HTRA2: variants seen among roughly 807,000 people sequenced by gnomAD.
HTRA2 encodes HtrA serine peptidase 2.
Under a neutral mutation model 42.2 loss-of-function variants are expected in HTRA2, and 24 were observed. That is an observed-to-expected ratio of 0.57 (90% CI 0.41 to 0.80). The LOEUF (loss-of-function observed/expected upper bound fraction) is 0.80, where lower values mean the gene tolerates loss of function less well. HTRA2 is among the 30% of genes least tolerant of loss of function. The pLI, the probability that HTRA2 is intolerant of heterozygous loss-of-function variation, is 0.00. For missense variants in HTRA2, 466 were observed against 613.5 expected, an observed-to-expected ratio of 0.76 and a Z score of 2.54; for synonymous variants, 245 against 255.8, an observed-to-expected ratio of 0.96 and a Z score of 0.40.
At position 74,533,015 on chromosome 2, in the gene HTRA2, T is replaced by C. The variant is rs962099375; in HGVS notation, c.*30T>C. On this transcript the variant is annotated 3_prime_UTR_variant, in exon 8 of 8. Coordinates refer to ENST00000258080, the MANE Select transcript of HTRA2 (RefSeq NM_013247.5). ...ATCACCAAGAGTATGAGGCTCCTGC[T>C]CTGATTTCCTCCTTGCCTTTCTGGC... 6.2e-7 allele frequency: 1 copy of C among 1,608,282 alleles called. No homozygotes were observed. Among genetic ancestry groups the C allele is most frequent in the Non-Finnish European group, 8.5e-7 (1 of 1,175,674 alleles).
At position 74,530,530 on chromosome 2, in the gene HTRA2, C is replaced by T; in HGVS notation, c.506+18C>T. 6.2e-7 allele frequency: 1 copy of T among 1,613,334 alleles called. No individual in the cohort carries two copies. The highest frequency in any genetic ancestry group is 8.5e-7 in the Non-Finnish European group (1 of 1,180,028). Reference sequence around the variant, plus strand: ...CTGGACCGGTAATGGTGGGGGTAGACCGGGAGGCACTGAAGCCACAGGCTG... The same window carrying T: ...CTGGACCGGTAATGGTGGGGGTAGATCGGGAGGCACTGAAGCCACAGGCTG... On this transcript the variant is annotated intron_variant, in intron 1 of 7. Transcript: ENST00000258080. The surrounding 1 kb of genome is among the most constrained non-coding windows in gnomAD (Gnocchi z 7.4).
chr2:74,530,076 C>T lies in HTRA2; in HGVS notation c.70C>T (p.Arg24Cys), dbSNP rs1675472555. The change falls in exon 1 of 8, where the codon CGC (arginine) becomes TGC (cysteine). Residue 24 changes from arginine (R) to cysteine (C), a missense_variant. Arg to Cys is a radical substitution (Grantham distance 180). Coordinates refer to ENST00000258080, the MANE Select transcript of HTRA2 (RefSeq NM_013247.5). The surrounding 1 kb of genome is among the most constrained non-coding windows in gnomAD (Gnocchi z 7.4). ...LRAWRALGGI[R>C]WGRRPRLTPD... is the part of the protein sequence containing the mutation. ...GGCATGGCGGGCTTTGGGGGGCATT[C>T]GCTGGGGGAGGAGACCCCGTTTGAC... The T allele has an allele frequency of 6.3e-7, 1 of 1,592,236 alleles. No individual in the cohort carries two copies. The highest frequency in any genetic ancestry group is 1.3e-5 in the African/African-American group (1 of 74,460).
chr2:74,532,853 C>G lies in HTRA2; in HGVS notation c.1245C>G (p.Ala415=), dbSNP rs757932841. The G allele has an allele frequency of 1.5e-5, 25 of 1,613,914 alleles. No individual in the cohort carries two copies. The highest frequency in any genetic ancestry group is 2.0e-5 in the Non-Finnish European group (24 of 1,180,026). ...AGLRPGDVIL[A]IGEQMVQNAE... ...TGCGGCCTGGTGATGTGATTTTGGCCATTGGGGAGCAGATGGTACAAAATG... is the reference window on the plus strand; with the variant it reads ...TGCGGCCTGGTGATGTGATTTTGGCGATTGGGGAGCAGATGGTACAAAATG... The change falls in exon 8 of 8, where the codon GCC becomes GCG. Residue 415 remains alanine, a synonymous_variant. Coordinates refer to ENST00000258080, the MANE Select transcript of HTRA2 (RefSeq NM_013247.5).
rs375891754 is a variant in HTRA2 at position 74,532,686 on chromosome 2, A to T, written c.1183A>T (p.Lys395Ter). 1.2e-6 allele frequency: 2 copies of T among 1,613,800 alleles called. No homozygotes were observed. Among genetic ancestry groups the T allele is most frequent in the Non-Finnish European group, 1.7e-6 (2 of 1,180,030 alleles). Residue 395 changes from lysine (K) to a stop codon, truncating the protein, a stop_gained, in exon 7 of 8, where the codon AAA becomes TAA. Coordinates refer to ENST00000258080, the MANE Select transcript of HTRA2 (RefSeq NM_013247.5). LOFTEE classifies it high-confidence loss of function. ...TGTTCAGCATGGTGTACTCATCCATAAAGTCATCCTGGGCTCCCCTGCACA... is the reference window on the plus strand; with the variant it reads ...TGTTCAGCATGGTGTACTCATCCATTAAGTCATCCTGGGCTCCCCTGCACA... ...PDVQHGVLIH[K>*]VILGSPAHRA...
intron 3 of HTRA2, 115 bp downstream of exon 3, chr2:74,531,220 A>C: frequency 6.5e-7 from 1 of 1,544,542 alleles, no homozygotes. Flanking sequence ...GGCTGCAAAA[A>C]TGTGGCCACT....
intron 3 of HTRA2, 83 bp downstream of exon 3, chr2:74,531,188 G>T: frequency 6.5e-7 from 1 of 1,550,310 alleles, no homozygotes; most frequent in Middle Eastern, 1.7e-4. Context: ...GATATATGGT[G>T]GATGAGCCTA....
In HTRA2 at chr2:74,533,131, AATC is replaced by A. The variant is rs1336082166; in HGVS notation, c.*148_*150del. On this transcript the variant is annotated 3_prime_UTR_variant, in exon 8 of 8. Coordinates refer to ENST00000258080, the MANE Select transcript of HTRA2 (RefSeq NM_013247.5). ...CAGCACTGACTCCTGGGCTCTGAAG[AATC>A]ACAGAAACACTTTTTATATAAAATA... The A allele has an allele frequency of 2.5e-5, 17 of 674,116 alleles. 1 individual carries two copies. In the East Asian group the frequency reaches 4.6e-4, roughly 18 times the overall value. The allele number at this position is 674,116 out of a possible 1,614,324, so 41.8% of individuals were successfully genotyped here.
chr2:74,532,373 A>G, intron 6 of HTRA2: 2 of 534,642 alleles, frequency 3.7e-6, no homozygotes, highest in South Asian at 2.0e-5. Context: ...TTAGTATTCT[A>G]GAATGACATT....
chr2:74,530,797 C>T lies in HTRA2; in HGVS notation c.687C>T (p.Ile229=), dbSNP rs769752618. The T allele has an allele frequency of 3.7e-6, 6 of 1,614,176 alleles. No individual in the cohort carries two copies. Among genetic ancestry groups the T allele is most frequent in the East Asian group, 2.2e-5 (1 of 44,872 alleles). Residue 229 remains isoleucine, a synonymous_variant, in exon 2 of 8, where the codon ATC becomes ATT. Coordinates refer to ENST00000258080, the MANE Select transcript of HTRA2 (RefSeq NM_013247.5). This position sits in a 1 kb window ranked among gnomAD's most constrained non-coding sequence, Gnocchi z 7.4. ...CAGCTGTGGATCCCGTGGCAGACAT[C>T]GCAACGCTGAGGATTCAGACTAAGG... ...VVTAVDPVAD[I]ATLRIQTKEP...
rs1409957969 is a variant in HTRA2, at chr2:74,530,855, CT to C, written c.711+35del. 6.2e-7 allele frequency: 1 copy of C among 1,614,156 alleles called. No individual in the cohort carries two copies. Among genetic ancestry groups the C allele is most frequent in the Non-Finnish European group, 8.5e-7 (1 of 1,180,004 alleles). On this transcript the variant is annotated intron_variant, in intron 2 of 7. Coordinates refer to ENST00000258080, the MANE Select transcript of HTRA2 (RefSeq NM_013247.5). This position sits in a 1 kb window ranked among gnomAD's most constrained non-coding sequence, Gnocchi z 7.4. ...TGGGGTAGGCCAGGTCTGGTTGGAG[CT>C]GCTTATTTGCTCGCATCTTCAGATG...
At position 74,530,136 on chromosome 2, in the gene HTRA2, T is replaced by G; in HGVS notation, c.130T>G (p.Ser44Ala). The G allele has an allele frequency of 6.2e-7, 1 of 1,612,224 alleles. No homozygotes were observed. The highest frequency in any genetic ancestry group is 8.5e-7 in the Non-Finnish European group (1 of 1,179,322). Reference protein sequence around the residue: ...DLRALLTSGTSDPRARVTYGT... With the variant: ...DLRALLTSGTADPRARVTYGT... ...CCGGGCCCTGCTGACGTCAGGAACTTCTGACCCCCGGGCCCGAGTGACTTA... is the reference window on the plus strand; with the variant it reads ...CCGGGCCCTGCTGACGTCAGGAACTGCTGACCCCCGGGCCCGAGTGACTTA... Residue 44 changes from serine (S) to alanine (A), a missense_variant, in exon 1 of 8, where the codon TCT becomes GCT. Transcript: ENST00000258080. This position sits in a 1 kb window ranked among gnomAD's most constrained non-coding sequence, Gnocchi z 7.4.
In HTRA2 at chr2:74,533,099, C is replaced by T. The variant is rs1169593584; in HGVS notation, c.*114C>T. 8 of 897,576 alleles carry T rather than the reference C, an allele frequency of 8.9e-6. No individual in the cohort carries two copies. In the East Asian group the frequency reaches 2.0e-4, roughly 22 times the overall value. The allele number at this position is 897,576 out of a possible 1,614,324, so 55.6% of individuals were successfully genotyped here. On this transcript the variant is annotated 3_prime_UTR_variant, in exon 8 of 8. Transcript: ENST00000258080. Reference sequence around the variant, plus strand: ...ATGAACCAGTGGGGGCAGGTCCCTCCAACCACCAGCACTGACTCCTGGGCT... The same window carrying T: ...ATGAACCAGTGGGGGCAGGTCCCTCTAACCACCAGCACTGACTCCTGGGCT...
At chr2:74,531,544 C>T in intron 4 of HTRA2, 53 bp from the exon 5 acceptor site, 1 of 1,613,202 alleles carries the variant, frequency 6.2e-7, no homozygotes, top group Non-Finnish European at 8.5e-7. Context: ...TTCGGGTGCC[C>T]CCATCCCCTA....
In HTRA2 at chr2:74,530,293, C is replaced by A. The variant is rs1675489921; in HGVS notation, c.287C>A (p.Ser96Ter). ...VTPDTRTREA[S>*]ENSGTRSRAW... ...CCAGATACCAGGACCCGGGAGGCCTCAGAGAACTCTGGAACCCGTTCGCGC... is the reference window on the plus strand; with the variant it reads ...CCAGATACCAGGACCCGGGAGGCCTAAGAGAACTCTGGAACCCGTTCGCGC... The change falls in exon 1 of 8, where the codon TCA becomes TAA. Residue 96 changes from serine to a stop codon, truncating the protein, a stop_gained. Transcript: ENST00000258080. LOFTEE classifies it high-confidence loss of function. This position sits in a 1 kb window ranked among gnomAD's most constrained non-coding sequence, Gnocchi z 7.4. 2 of 1,603,364 alleles carry A rather than the reference C, an allele frequency of 1.2e-6. No homozygotes were observed. The highest frequency in any genetic ancestry group is 1.7e-6 in the Non-Finnish European group (2 of 1,173,566).
upstream of HTRA2, chr2:74,529,642 A>T: frequency 6.4e-7 from 1 of 1,556,158 alleles, no homozygotes; most frequent in Non-Finnish European, 8.7e-7. Context: ...CTGCTGCTTC[A>T]GGAGCGCCCG....
rs750032417 is a variant in HTRA2, at chr2:74,532,798, CTCTG to C, written c.1212-19_1212-16del. Reference sequence around the variant, plus strand: ...CTAGGCTTTGTACTCCTTCCTTTCTCTCTGTCCATTTTTCTCTATAGGGCTGGTC... The same window carrying C: ...CTAGGCTTTGTACTCCTTCCTTTCTCTCCATTTTTCTCTATAGGGCTGGTC... On this transcript the variant is annotated intron_variant, in intron 7 of 7. Transcript: ENST00000258080. 1 of 1,613,994 alleles carries C rather than the reference CTCTG, an allele frequency of 6.2e-7. No homozygotes were observed. The highest frequency in any genetic ancestry group is 1.7e-5 in the Admixed American group (1 of 60,002).
chr2:74,530,108 C>T lies in HTRA2; in HGVS notation c.102C>T (p.Asp34=), dbSNP rs760187812. The T allele has an allele frequency of 3.1e-6, 5 of 1,608,832 alleles. No individual in the cohort carries two copies. The highest frequency in any genetic ancestry group is 8.5e-7 in the Non-Finnish European group (1 of 1,176,788). The change falls in exon 1 of 8, where the codon GAC becomes GAT. Residue 34 remains aspartate (D), a synonymous_variant. Coordinates refer to ENST00000258080, the MANE Select transcript of HTRA2 (RefSeq NM_013247.5). The surrounding 1 kb of genome is among the most constrained non-coding windows in gnomAD (Gnocchi z 7.4). ...RWGRRPRLTP[D]LRALLTSGTS... ...GGAGGAGACCCCGTTTGACCCCTGACCTCCGGGCCCTGCTGACGTCAGGAA... is the reference window on the plus strand; with the variant it reads ...GGAGGAGACCCCGTTTGACCCCTGATCTCCGGGCCCTGCTGACGTCAGGAA...
chr2:74,531,738 TGTG>T (rs759700095), intron 5 of HTRA2, 36 bp downstream of exon 5: 4 of 1,612,948 alleles, frequency 2.5e-6, no homozygotes, highest in African/African-American at 2.7e-5. Context: ...GTTCCTTTAA[TGTG>T]GTGGAAATAG....
chr2:74,533,273 G>A lies in HTRA2; in HGVS notation c.*288G>A. On this transcript the variant is annotated 3_prime_UTR_variant, in exon 8 of 8. Coordinates refer to ENST00000258080, the MANE Select transcript of HTRA2 (RefSeq NM_013247.5). ...TCCCCCTAAACTTAGGGGAGATACTGGAGCTGACCATCCTGACCTCCTATT... is the reference window on the plus strand; with the variant it reads ...TCCCCCTAAACTTAGGGGAGATACTAGAGCTGACCATCCTGACCTCCTATT... 1.9e-6 allele frequency: 1 copy of A among 539,772 alleles called. No individual in the cohort carries two copies. Among genetic ancestry groups the A allele is most frequent in the African/African-American group, 1.9e-5 (1 of 52,934 alleles). 33.4% of individuals were successfully genotyped at this position (539,772 alleles called of 1,614,324 possible).
Sources: gnomAD v4.1 joint callset for allele counts on GRCh38, gnomAD v4.1.1 for gene constraint, Gnocchi (gnomAD v3.1) non-coding constraint, MANE v1.5 for transcripts, NCBI Gene and HGNC (gene_info 2026-07-23, HGNC 2026-07-21) for gene names.